AFF2: variants seen among roughly 807,000 people sequenced by gnomAD.
AFF2 encodes ALF transcription elongation factor 2.
Under a neutral mutation model 76.9 loss-of-function variants are expected in AFF2, and 14 were observed. The ratio of observed to expected loss-of-function variants is 0.18; its 90% CI spans 0.12 to 0.28. The LOEUF is 0.28. AFF2 is among the 10% of genes least tolerant of loss of function. AFF2 has a pLI of 1.00. For synonymous variants in AFF2, 398 were observed against 366.7 expected (o/e 1.09, Z -0.98); for missense variants, 868 against 1,001.1 (o/e 0.87, Z 1.79).
chrX:148,816,946 A>AT (rs55885492), intron 4 of AFF2, among the ~76,000 whole-genome samples: 4 of 108,755 alleles, frequency 3.7e-5, no homozygotes, highest in Non-Finnish European at 5.7e-5. Context: ...AAAAAAAAAA[A>AT]TACACAAAAA....
At chrX:148,548,878 A>G (rs1486843499) in intron 1 of AFF2, among the ~76,000 whole-genome samples, 2 of 112,741 alleles carry the variant, frequency 1.8e-5, no homozygotes, top group African/African-American at 3.2e-5. Context: ...TCTTTTTGGT[A>G]TGTGTGCCGT....
At chrX:148,529,300 G>C (rs1403846323) in intron 1 of AFF2, among the ~76,000 whole-genome samples, 2 of 111,691 alleles carry the variant, frequency 1.8e-5, no homozygotes, top group African/African-American at 6.5e-5. Flanking sequence ...CCATTCCATT[G>C]AAGTTTTTCT....
intron 12 of AFF2, among the ~76,000 whole-genome samples, chrX:148,961,902 G>T (rs1557288061): frequency 8.9e-6 from 1 of 112,482 alleles, no homozygotes; most frequent in Non-Finnish European, 1.9e-5. Flanking sequence ...GAAAATCCAT[G>T]ACCCAATTAC....
intron 9 of AFF2, among the ~76,000 whole-genome samples, chrX:148,944,419 T>C (rs2071875819): frequency 8.9e-6 from 1 of 111,916 alleles, no homozygotes; most frequent in Admixed American, 9.5e-5. Context: ...CAATCATTCA[T>C]TCTCAGCTTT....
intron 9 of AFF2, among the ~76,000 whole-genome samples, chrX:148,924,626 C>A (rs1177999328): frequency 8.9e-6 from 1 of 112,054 alleles, no homozygotes; most frequent in Non-Finnish European, 1.9e-5. Context: ...GAAGCCAACA[C>A]CTGCCTATAG....
At chrX:148,834,737 A>G (rs965413383) in intron 4 of AFF2, among the ~76,000 whole-genome samples, 2 of 111,478 alleles carry the variant, frequency 1.8e-5, no homozygotes, top group Admixed American at 1.9e-4. Context: ...TAGCAAGAAC[A>G]TAAACTAGAT....
chrX:148,528,018 C>T lies in AFF2; in HGVS notation c.47+26874C>T, dbSNP rs781926512. ...CAATGACCATTTGCCTTTAGCTGAC[C>T]CAAGAAAGTGATGCGCTGCTAACCA... On this transcript the variant is annotated intron_variant, in intron 1 of 20. Coordinates refer to ENST00000370460, the MANE Select transcript of AFF2 (RefSeq NM_002025.4). 7.1e-5 allele frequency among the ~76,000 whole-genome samples: 8 copies of T among 112,027 alleles called. No homozygotes were observed. In the South Asian group the frequency reaches 3.0e-3, roughly 42 times the overall value.
At chrX:148,538,724 A>G (rs992147673) in intron 1 of AFF2, among the ~76,000 whole-genome samples, 2 of 112,211 alleles carry the variant, frequency 1.8e-5, no homozygotes, top group Non-Finnish European at 3.8e-5. Context: ...TTATTTAGTC[A>G]TTACACTAAC....
intron 1 of AFF2, among the ~76,000 whole-genome samples, chrX:148,512,363 A>T: frequency 8.9e-6 from 1 of 111,986 alleles, no homozygotes; most frequent in African/African-American, 3.2e-5. Flanking sequence ...TTAGCATCAT[A>T]CTTAGAAACT....
chrX:148,653,053 G>T (rs1446544200), intron 2 of AFF2, among the ~76,000 whole-genome samples: 2 of 111,531 alleles, frequency 1.8e-5, no homozygotes, highest in Non-Finnish European at 3.8e-5. Context: ...CTACTTTGGG[G>T]TAGAGAGTAA....
At chrX:148,544,886 C>T (rs1476533648) in intron 1 of AFF2, among the ~76,000 whole-genome samples, 1 of 111,885 alleles carries the variant, frequency 8.9e-6, no homozygotes, top group Non-Finnish European at 1.9e-5. Flanking sequence ...GCTTCACCCA[C>T]TAATTTTAGC....
At chrX:148,894,886 GAGAT>G (rs1443886563) in intron 8 of AFF2, among the ~76,000 whole-genome samples, 2 of 108,069 alleles carry the variant, frequency 1.9e-5, no homozygotes, top group East Asian at 2.8e-4. Flanking sequence ...GTTAAAATGT[GAGAT>G]AGATAGATAT....
At chrX:148,705,455 G>A (rs1213863935) in intron 3 of AFF2, among the ~76,000 whole-genome samples, 1 of 112,199 alleles carries the variant, frequency 8.9e-6, no homozygotes, top group Non-Finnish European at 1.9e-5. Flanking sequence ...CGTTGCAGTT[G>A]ACTCTATACT....
chrX:148,706,754 G>T (rs782336269), intron 3 of AFF2, among the ~76,000 whole-genome samples: 43 of 112,814 alleles, frequency 3.8e-4, no homozygotes, highest in African/African-American at 1.3e-3. Flanking sequence ...ATGTTCCATA[G>T]TTCATGAATG....
At chrX:148,887,694 C>T (rs1046062193) in intron 8 of AFF2, among the ~76,000 whole-genome samples, 11 of 111,300 alleles carry the variant, frequency 9.9e-5, no homozygotes, top group Non-Finnish European at 1.7e-4. Context: ...GACATGTTGC[C>T]GCTAGTCATG....
In AFF2 at chrX:148,996,302, G is replaced by A. The variant is rs1557293113; in HGVS notation, c.*4970G>A. On this transcript the variant is annotated 3_prime_UTR_variant, in exon 21 of 21. Transcript: ENST00000370460. ...GTCAGCCTAGCATGCAACCAGTGGT[G>A]TGCTGGTAAAATGTTTAACAACCAG... The A allele has an allele frequency of 8.8e-6, 1 of 113,012 alleles. No individual in the cohort carries two copies. Among genetic ancestry groups the A allele is most frequent in the African/African-American group, 3.2e-5 (1 of 31,140 alleles). The allele number at this position is 113,012 out of a possible 1,213,427, so 9.3% of individuals were successfully genotyped here. A position where few individuals can be genotyped will look rare whatever the true frequency, so the allele number is the denominator to read the frequency against.
intron 3 of AFF2, among the ~76,000 whole-genome samples, chrX:148,718,184 A>T (rs1380571684): frequency 2.7e-5 from 3 of 111,705 alleles, no homozygotes; most frequent in African/African-American, 9.8e-5. Context: ...TAAATTAAAT[A>T]AAACAGACAT....
At chrX:148,917,224 C>T (rs1326613547) in intron 9 of AFF2, among the ~76,000 whole-genome samples, 3 of 111,923 alleles carry the variant, frequency 2.7e-5, no homozygotes, top group Non-Finnish European at 3.8e-5. Context: ...TGGTGTATAT[C>T]CACCTTCATA....
intron 1 of AFF2, among the ~76,000 whole-genome samples, chrX:148,644,537 A>C (rs1406858314): frequency 2.7e-5 from 3 of 112,309 alleles, no homozygotes; most frequent in Non-Finnish European, 5.6e-5. Context: ...ACAAGGAATC[A>C]ACAGATAGGA....
Sources: gnomAD v4.1 joint callset for allele counts (sites outside exome capture counted in the v4.1 genomes callset) on GRCh38, gnomAD v4.1.1 for gene constraint, MANE v1.5 for transcripts, NCBI Gene and HGNC (gene_info 2026-07-23, HGNC 2026-07-21) for gene names.